TACC3: variants seen among roughly 807,000 people sequenced by gnomAD.
The protein encoded by TACC3 is transforming acidic coiled-coil-containing protein 3.
TACC3 carries 52 observed loss-of-function variants against 86.0 expected under a neutral mutation model. The ratio of observed to expected loss-of-function variants is 0.60; its 90% CI spans 0.48 to 0.76. The LOEUF (loss-of-function observed/expected upper bound fraction) is 0.76. TACC3 is among the 30% of genes least tolerant of loss of function. The pLI, the probability that TACC3 is intolerant of heterozygous loss-of-function variation, is 0.00. For missense variants in TACC3, 1,120 were observed against 1,070.4 expected, an observed-to-expected ratio of 1.05 and a Z score of -0.65; for synonymous variants, 512 against 430.0, an observed-to-expected ratio of 1.19 and a Z score of -2.36.
chr4:1,729,553 G>A (rs992614648), intron 4 of TACC3, among the ~76,000 whole-genome samples: 1 of 152,182 alleles, frequency 6.6e-6, no homozygotes, highest in Non-Finnish European at 1.5e-5. Context: ...CAGCCAAGGC[G>A]GAGAGAGAGG....
intron 3 of TACC3, among the ~76,000 whole-genome samples, chr4:1,726,328 C>T (rs1224156291): frequency 6.6e-6 from 1 of 152,208 alleles, no homozygotes; most frequent in Non-Finnish European, 1.5e-5. Flanking sequence ...CAGCCCTGCC[C>T]TTCAGTGAAG....
Position 1,735,798 on chromosome 4 carries a change from C to A in TACC3, c.1712C>A (p.Pro571His). The change falls in exon 8 of 16, where the codon CCT becomes CAT. Residue 571 changes from proline to histidine, a missense_variant. Physicochemically the swap from Pro to His is moderately conservative, Grantham distance 77. Transcript: ENST00000313288. The surrounding 1 kb of genome is among the most constrained non-coding windows in gnomAD (Gnocchi z 4.2). ...LKFDPLLRDS[P>H]GRPVPVATET... is the part of the protein sequence containing the mutation. ...TTCGACCCCCTCCTGAGGGACAGTC[C>A]TGGTAGACCAGTGCCCGTGGCCACC... The A allele has an allele frequency of 6.2e-7, 1 of 1,603,256 alleles. No homozygotes were observed.
chr4:1,738,346 A>G (rs150676941), intron 10 of TACC3: 96 of 196,750 alleles, frequency 4.9e-4, no homozygotes, highest in African/African-American at 2.0e-3. Context: ...TGTTGTTCAC[A>G]GTGGCCCCAG....
At chr4:1,738,121 G>T in intron 10 of TACC3, 1 of 351,040 alleles carries the variant, frequency 2.8e-6, no homozygotes, top group South Asian at 2.1e-5. Flanking sequence ...CCCGTGCCTT[G>T]TCTCCCTCCA....
At chr4:1,720,737 T>C (rs1453686456), upstream of TACC3, 2 of 1,573,008 alleles carry the variant, frequency 1.3e-6, no homozygotes, top group South Asian at 2.3e-5. This position sits in a 1 kb window ranked among gnomAD's most constrained non-coding sequence, Gnocchi z 4.4. Context: ...CAGCAGGTTC[T>C]GCACCGTGAG....
At chr4:1,731,735 A>G (rs138819018) in intron 6 of TACC3, among the ~76,000 whole-genome samples, 1 of 152,292 alleles carries the variant, frequency 6.6e-6, no homozygotes, top group African/African-American at 2.4e-5. Flanking sequence ...TCCCAGGTTC[A>G]AGAGATTCTC....
chr4:1,729,163 G>A (rs555559714), intron 4 of TACC3, among the ~76,000 whole-genome samples: 4 of 152,206 alleles, frequency 2.6e-5, no homozygotes, highest in East Asian at 1.9e-4. Context: ...CCTGGGTGGC[G>A]TCCGCTGCTT....
intron 3 of TACC3, among the ~76,000 whole-genome samples, chr4:1,727,061 G>T (rs927680929): frequency 5.3e-5 from 8 of 152,064 alleles, no homozygotes; most frequent in South Asian, 4.2e-4. Context: ...AACCCCAGAG[G>T]TGGAGGTTGC....
rs761270247 is a variant in TACC3 at position 1,728,606 on chromosome 4, T to G, written c.1204T>G (p.Ser402Ala). Residue 402 changes from serine to alanine, a missense_variant, in exon 4 of 16, where the codon TCT (serine) becomes GCT (alanine). Ser to Ala is a moderately conservative substitution (Grantham distance 99). Transcript: ENST00000313288. ...EDPPMPASRG[S>A]YHLDWDKMDD... is the part of the protein sequence containing the mutation. Reference sequence around the variant, plus strand: ...CCCCCCCATGCCAGCTTCTCGGGGCTCTTACCACCTCGACTGGGACAAAAT... The same window carrying G: ...CCCCCCCATGCCAGCTTCTCGGGGCGCTTACCACCTCGACTGGGACAAAAT... The G allele has an allele frequency of 3.1e-6, 5 of 1,613,708 alleles. No individual in the cohort carries two copies. Among genetic ancestry groups the G allele is most frequent in the Non-Finnish European group, 4.2e-6 (5 of 1,179,990 alleles).
At position 1,735,233 on chromosome 4, in the gene TACC3, G is replaced by A; in HGVS notation, c.1592-40G>A. The A allele has an allele frequency of 6.2e-7, 1 of 1,613,370 alleles. No individual in the cohort carries two copies. ...ACCAGCCCGCCGCCCTTAGGGCCCT[G>A]GTGAGGGGCGATGGCGGCGGCATGA... On this transcript the variant is annotated intron_variant, in intron 6 of 15. Transcript: ENST00000313288. This position sits in a 1 kb window ranked among gnomAD's most constrained non-coding sequence, Gnocchi z 4.2.
intron 9 of TACC3, 86 bp from the exon 10 acceptor site, chr4:1,737,512 C>T: frequency 2.5e-6 from 3 of 1,205,726 alleles, no homozygotes; most frequent in South Asian, 3.1e-5. Flanking sequence ...GGCTCTTGGC[C>T]TGTGTGGGCC....
chr4:1,733,910 G>A (rs1293991086), intron 6 of TACC3, among the ~76,000 whole-genome samples: 13 of 151,694 alleles, frequency 8.6e-5, no homozygotes, highest in East Asian at 3.9e-4. Flanking sequence ...CCCAGGAGGC[G>A]GAGGTTGCAG....
In TACC3 at chr4:1,735,961, T is replaced by A. The variant is rs1482803425; in HGVS notation, c.1748+127T>A. The A allele has an allele frequency of 1.4e-6, 1 of 719,202 alleles. No homozygotes were observed. The highest frequency in any genetic ancestry group is 1.8e-5 in the African/African-American group (1 of 56,456). 44.6% of individuals were successfully genotyped at this position (719,202 alleles called of 1,614,324 possible). On this transcript the variant is annotated intron_variant, in intron 8 of 15. Transcript: ENST00000313288. The surrounding 1 kb of genome is among the most constrained non-coding windows in gnomAD (Gnocchi z 4.2). The stretch of plus-strand genomic sequence containing the variant: ...GAGATGATCAGAACTGGAAAGGAGC[T>A]GTGCTAGGGGTGGGCTGGGCAGCAA...
intron 12 of TACC3, 87 bp from the exon 13 acceptor site, chr4:1,740,739 G>A: frequency 8.0e-7 from 1 of 1,257,704 alleles, no homozygotes; most frequent in South Asian, 1.4e-5. Context: ...TGGCGCTCGA[G>A]TCCCTTGCCT....
intron 6 of TACC3, among the ~76,000 whole-genome samples, chr4:1,733,328 C>G (rs1718094900): frequency 6.6e-6 from 1 of 152,038 alleles, no homozygotes; most frequent in Admixed American, 6.6e-5. Context: ...GGAAAAAATA[C>G]AAAGTTAAGT....
At chr4:1,740,674 G>A (rs531837329) in intron 12 of TACC3, 152 bp from the exon 13 acceptor site, 28 of 667,968 alleles carry the variant, frequency 4.2e-5, no homozygotes, top group South Asian at 3.0e-4. Context: ...AGAAGATCCT[G>A]GGTGGAGGGA....
chr4:1,737,504 C>T (rs1718338480), intron 9 of TACC3, 94 bp from the exon 10 acceptor site: 17 of 1,170,302 alleles, frequency 1.5e-5, no homozygotes, highest in Non-Finnish European at 1.9e-5. Context: ...CTGTCTGAGG[C>T]TCTTGGCCTG....
At chr4:1,724,505 C>T (rs892517344) in intron 3 of TACC3, among the ~76,000 whole-genome samples, 1 of 149,842 alleles carries the variant, frequency 6.7e-6, no homozygotes, top group South Asian at 2.1e-4. Flanking sequence ...ATTCTCCTGC[C>T]TCAGCCTCCC....
rs538553792 is a variant in TACC3, at chr4:1,726,898, G to A, written c.306-810G>A. ...AATCCTAGCACTGGGAGGCCGAGGC[G>A]GGTGGATCACCTAAGGTCAGGAGTT... On this transcript the variant is annotated intron_variant, in intron 3 of 15. Transcript: ENST00000313288. Among the ~76,000 whole-genome samples the A allele has an allele frequency of 5.3e-5, 8 of 152,252 alleles. No individual in the cohort carries two copies. In the South Asian group the frequency reaches 1.2e-3, roughly 24 times the overall value.
Sources: allele counts gnomAD v4.1 joint callset (sites outside exome capture counted in the v4.1 genomes callset), GRCh38; gene constraint gnomAD v4.1.1; non-coding constraint Gnocchi (gnomAD v3.1); transcripts MANE v1.5; gene names NCBI Gene and HGNC (gene_info 2026-07-23, HGNC 2026-07-21).